Variants in CRYM observed in about 807,000 individuals in gnomAD.
CRYM encodes ketimine reductase mu-crystallin.
Under a neutral mutation model 32.9 loss-of-function variants are expected in CRYM, and 18 were observed. That is an observed-to-expected ratio of 0.55 (90% CI 0.38 to 0.81). CRYM has a LOEUF of 0.81. Among genes scored for constraint, CRYM ranks in the 30% least tolerant of loss-of-function variants. The probability of loss-of-function intolerance (pLI) is 0.00; values close to 1 mark genes in which losing one functional copy is unlikely to be tolerated. For missense variants in CRYM, 337 were observed against 393.5 expected, an observed-to-expected ratio of 0.86 and a Z score of 1.21; for synonymous variants, 153 against 152.4, an observed-to-expected ratio of 1.00 and a Z score of -0.03.
chr16:21,276,713 T>C (rs1039747804), intron 2 of CRYM, among the ~76,000 whole-genome samples: 1 of 152,228 alleles, frequency 6.6e-6, no homozygotes, highest in African/African-American at 2.4e-5. Context: ...GCAGTTAAAA[T>C]GGCGGTGGTC....
At chr16:21,260,593 C>G (rs2093352656) in intron 7 of CRYM, among the ~76,000 whole-genome samples, 1 of 152,194 alleles carries the variant, frequency 6.6e-6, no homozygotes, top group African/African-American at 2.4e-5. Context: ...AGCCACCGAG[C>G]TCAGCCTGTT....
chr16:21,261,095 A>C (rs1279155943), intron 7 of CRYM, 159 bp downstream of exon 7: 2 of 698,956 alleles, frequency 2.9e-6, no homozygotes, highest in Non-Finnish European at 5.1e-6. Flanking sequence ...TCCAGAGTTC[A>C]TGGGCTTAGC....
chr16:21,286,984 G>C (rs1212283727), intron 1 of CRYM, among the ~76,000 whole-genome samples: 1 of 152,026 alleles, frequency 6.6e-6, no homozygotes, highest in Non-Finnish European at 1.5e-5. Flanking sequence ...CAGCTACTAG[G>C]GAGGCTGAGG....
At chr16:21,263,918 G>T (rs2093359196) in intron 5 of CRYM, among the ~76,000 whole-genome samples, 1 of 152,148 alleles carries the variant, frequency 6.6e-6, no homozygotes, top group South Asian at 2.1e-4. Context: ...TACCAGATAT[G>T]CCCCAGTTGT....
chr16:21,277,278 A>T lies in CRYM; in HGVS notation c.324+153T>A, dbSNP rs2093388509. Among the ~76,000 whole-genome samples, 1 of 152,184 alleles carries T rather than the reference A, an allele frequency of 6.6e-6. No individual in the cohort carries two copies. The highest frequency in any genetic ancestry group is 2.1e-4 in the South Asian group (1 of 4,834). ...GGCAGTCCTAGAAATAGATACATGG[A>T]CACAGATAACCTTCACTGTTGCTGG... On this transcript the variant is annotated intron_variant, in intron 2 of 7. Transcript: ENST00000572914. This position sits in a 1 kb window ranked among gnomAD's most constrained non-coding sequence, Gnocchi z 4.2.
At chr16:21,264,649 A>G (rs573044847) in intron 5 of CRYM, among the ~76,000 whole-genome samples, 206 of 152,352 alleles carry the variant, frequency 1.4e-3, no homozygotes, top group African/African-American at 4.7e-3. Flanking sequence ...CTGTGAACAC[A>G]TAAACCAATT....
chr16:21,281,451 G>A (rs573931365), upstream of CRYM, among the ~76,000 whole-genome samples: 5 of 151,766 alleles, frequency 3.3e-5, no homozygotes, highest in African/African-American at 1.2e-4. Context: ...TCTCGGTCTC[G>A]AACTCCTGAC....
At chr16:21,299,610 A>G (rs942502185) in intron 1 of CRYM, among the ~76,000 whole-genome samples, 1 of 152,190 alleles carries the variant, frequency 6.6e-6, no homozygotes, top group Non-Finnish European at 1.5e-5. Context: ...GCACCTGACC[A>G]CATTAGACTT....
chr16:21,262,990 T>C (rs1400303022), intron 5 of CRYM, among the ~76,000 whole-genome samples: 2 of 152,198 alleles, frequency 1.3e-5, no homozygotes, highest in African/African-American at 4.8e-5. Flanking sequence ...CTCACTCTCC[T>C]CTTGATCTCC....
At chr16:21,294,240 G>T (rs1960734674) in intron 1 of CRYM, among the ~76,000 whole-genome samples, 1 of 152,178 alleles carries the variant, frequency 6.6e-6, no homozygotes, top group African/African-American at 2.4e-5. Context: ...CACAGGAGTG[G>T]TCGTGGTCTT....
chr16:21,272,884 TCTTGAACTCCTGA>T (rs772606483), intron 3 of CRYM, among the ~76,000 whole-genome samples: 5 of 145,142 alleles, frequency 3.4e-5, no homozygotes, highest in Non-Finnish European at 7.5e-5. Flanking sequence ...GTCAGGCTGG[TCTTGAACTCCTGA>T]CCTCAGGTAA....
At position 21,261,267 on chromosome 16, in the gene CRYM, C is replaced by T. The variant is rs1173955606; in HGVS notation, c.867G>A (p.Val289=). 8 of 1,613,554 alleles carry T rather than the reference C, an allele frequency of 5.0e-6. No individual in the cohort carries two copies. The highest frequency in any genetic ancestry group is 2.2e-5 in the East Asian group (1 of 44,882). The change falls in exon 7 of 8, where the codon GTG becomes GTA. Residue 289 remains valine, a synonymous_variant. Transcript: ENST00000572914. ...VKPAHCEKTT[V]FKSLGMAVED... is the part of the protein sequence containing the mutation. ...AATGGATCTTACCCAAAGACTTGAA[C>T]ACGGTGGTCTTCTCACAGTGGGCTG... is the stretch of plus-strand genomic sequence containing the variant.
chr16:21,262,283 T>C (rs922914422), intron 5 of CRYM, 125 bp from the exon 6 acceptor site: 37 of 1,145,352 alleles, frequency 3.2e-5, no homozygotes, highest in South Asian at 5.2e-5. Flanking sequence ...TACCCCCTCA[T>C]TCCCCAGGCC....
intron 2 of CRYM, among the ~76,000 whole-genome samples, chr16:21,275,843 G>A (rs947863703): frequency 6.6e-6 from 1 of 152,176 alleles, no homozygotes; most frequent in Non-Finnish European, 1.5e-5. Flanking sequence ...GTTATTGTGA[G>A]GATTAAATGC....
chr16:21,291,440 A>C (rs1186038971), intron 1 of CRYM, among the ~76,000 whole-genome samples: 1 of 152,074 alleles, frequency 6.6e-6, no homozygotes, highest in African/African-American at 2.4e-5. Flanking sequence ...CTTGACAATA[A>C]CTCAAGTTAT....
At chr16:21,274,885 C>T (rs1183907650) in intron 3 of CRYM, among the ~76,000 whole-genome samples, 1 of 152,200 alleles carries the variant, frequency 6.6e-6, no homozygotes, top group South Asian at 2.1e-4. Context: ...GGATTACAGG[C>T]GTGAGCCACT....
intron 3 of CRYM, 142 bp downstream of exon 3, chr16:21,275,390 A>C (rs1428054486): frequency 4.2e-6 from 3 of 706,950 alleles, no homozygotes; most frequent in Admixed American, 2.0e-5. Context: ...TGAATTACTG[A>C]TATATCTGAC....
intron 1 of CRYM, among the ~76,000 whole-genome samples, chr16:21,294,673 G>C (rs1960748249): frequency 2.0e-5 from 3 of 150,980 alleles, no homozygotes; most frequent in Non-Finnish European, 4.4e-5. Context: ...CCCTGCAAAG[G>C]ACATGATCTC....
chr16:21,269,912 G>A, intron 3 of CRYM, 21 bp from the exon 4 acceptor site: 4 of 1,569,208 alleles, frequency 2.5e-6, no homozygotes, highest in Non-Finnish European at 2.6e-6. Flanking sequence ...GAAATGAAGT[G>A]GCAAAGGTCA....
Sources: allele counts gnomAD v4.1 joint callset (sites outside exome capture counted in the v4.1 genomes callset), GRCh38; gene constraint gnomAD v4.1.1; non-coding constraint Gnocchi (gnomAD v3.1); transcripts MANE v1.5; gene names NCBI Gene and HGNC (gene_info 2026-07-23, HGNC 2026-07-21).